Variants in PARP8 observed in about 807,000 individuals in gnomAD.
PARP8 encodes poly(ADP-ribose) polymerase family member 8.
Under a neutral mutation model 124.1 loss-of-function variants are expected in PARP8, and 51 were observed. The observed-to-expected ratio is 0.41, with a 90% CI of 0.33 to 0.52. The LOEUF (loss-of-function observed/expected upper bound fraction) is 0.52, where lower values mean the gene tolerates loss of function less well. Ranked by LOEUF, PARP8 falls within the 20% of genes least tolerant of loss-of-function variation. The pLI is 0.21. For missense variants in PARP8, 860 were observed against 1,018.9 expected (o/e 0.84, Z 2.12); for synonymous variants, 391 against 361.5 (o/e 1.08, Z -0.93).
intron 7 of PARP8, among the ~76,000 whole-genome samples, chr5:50,776,761 G>A (rs961328591): frequency 6.6e-6 from 1 of 152,034 alleles, no homozygotes; most frequent in Non-Finnish European, 1.5e-5. Flanking sequence ...ATCATTAAAA[G>A]TTTCTTCTCT....
Position 50,829,927 on chromosome 5 carries a change from T to C in PARP8, c.2199T>C (p.Leu733=), listed in dbSNP as rs1710255931. 2 of 1,609,928 alleles carry C rather than the reference T, an allele frequency of 1.2e-6. No individual in the cohort carries two copies. The highest frequency in any genetic ancestry group is 2.7e-5 in the African/African-American group (2 of 74,860). ...CAATGTATGGAAGTGGAATCTATCT[T>C]AGTCCAATGTCAAGCATATCATTTG... ...HGAMYGSGIY[L]SPMSSISFGY... The change falls in exon 22 of 26, where the codon CTT becomes CTC. Residue 733 remains leucine, a synonymous_variant. Coordinates refer to ENST00000281631, the MANE Select transcript of PARP8 (RefSeq NM_024615.4).
At chr5:50,825,948 T>A (rs569303834) in intron 18 of PARP8, among the ~76,000 whole-genome samples, 6 of 152,182 alleles carry the variant, frequency 3.9e-5, no homozygotes, top group Admixed American at 3.9e-4. Context: ...ATAGAAGCCT[T>A]CCTTCTTTGT....
At chr5:50,706,836 G>C (rs1385130899) in intron 2 of PARP8, among the ~76,000 whole-genome samples, 1 of 152,034 alleles carries the variant, frequency 6.6e-6, no homozygotes, top group Non-Finnish European at 1.5e-5. Flanking sequence ...CCTTTTACCA[G>C]AGTGCTTTTA....
chr5:50,706,689 A>G (rs1754186078), intron 2 of PARP8, among the ~76,000 whole-genome samples: 1 of 152,142 alleles, frequency 6.6e-6, no homozygotes, highest in Admixed American at 6.6e-5. Context: ...TAGGAATAAC[A>G]ATATGTTATA....
chr5:50,807,290 G>A (rs749269995), intron 14 of PARP8, among the ~76,000 whole-genome samples: 2 of 151,960 alleles, frequency 1.3e-5, no homozygotes, highest in Non-Finnish European at 2.9e-5. Context: ...CTTCGCTTTT[G>A]TTTACAAAAA....
At chr5:50,753,796 AG>A in intron 3 of PARP8, among the ~76,000 whole-genome samples, 1 of 152,064 alleles carries the variant, frequency 6.6e-6, no homozygotes, top group South Asian at 2.1e-4. Flanking sequence ...TACATCAGTG[AG>A]GGATGGAATG....
At chr5:50,686,362 G>A (rs550703462) in intron 2 of PARP8, among the ~76,000 whole-genome samples, 44 of 152,342 alleles carry the variant, frequency 2.9e-4, no homozygotes, top group Admixed American at 1.2e-3. Flanking sequence ...GGTTCCCATG[G>A]TCTTGGGCAG....
intron 2 of PARP8, chr5:50,668,330 C>G: frequency 1.7e-6 from 1 of 592,848 alleles, no homozygotes; most frequent in Non-Finnish European, 3.0e-6. Context: ...TTTCGAGGAC[C>G]ACGCCACAGG....
chr5:50,750,271 T>A, intron 3 of PARP8, 83 bp downstream of exon 3: 1 of 1,160,982 alleles, frequency 8.6e-7, no homozygotes, highest in Non-Finnish European at 1.3e-6. Context: ...AAAACGCATA[T>A]AAATATATTG....
chr5:50,695,289 T>C (rs1473753767), intron 2 of PARP8, among the ~76,000 whole-genome samples: 1 of 152,210 alleles, frequency 6.6e-6, no homozygotes, highest in Admixed American at 6.5e-5. Flanking sequence ...TCAGTCATCA[T>C]GTAGATCTGA....
At chr5:50,780,379 G>A (rs1168292906) in intron 9 of PARP8, among the ~76,000 whole-genome samples, 1 of 152,092 alleles carries the variant, frequency 6.6e-6, no homozygotes, top group East Asian at 1.9e-4. Context: ...ACTTTGTTTA[G>A]GGTTAGGAAT....
chr5:50,779,216 C>T (rs1314298292), intron 9 of PARP8, among the ~76,000 whole-genome samples: 3 of 151,932 alleles, frequency 2.0e-5, no homozygotes, highest in African/African-American at 7.3e-5. Flanking sequence ...CATGCATGCA[C>T]ACACACGCAT....
intron 3 of PARP8, among the ~76,000 whole-genome samples, chr5:50,751,623 T>C (rs1050876344): frequency 6.6e-6 from 1 of 152,092 alleles, no homozygotes; most frequent in Non-Finnish European, 1.5e-5. Flanking sequence ...TAATTTCATT[T>C]GATTCTCAAT....
In PARP8 at chr5:50,705,438, G is replaced by A. The variant is rs570059495; in HGVS notation, c.146+37313G>A. ...AAACAATGTGAAGGTGGTAAAATAA[G>A]AAGATATAAATGATATGGAGAAAAC... On this transcript the variant is annotated intron_variant, in intron 2 of 25. Transcript: ENST00000281631. Among the ~76,000 whole-genome samples, 10 of 152,212 alleles carry A rather than the reference G, an allele frequency of 6.6e-5. 1 individual carries two copies. The South Asian group carries it at 2.1e-3, about 32-fold the overall frequency.
intron 25 of PARP8, among the ~76,000 whole-genome samples, chr5:50,835,444 G>A (rs1042663246): frequency 3.9e-5 from 6 of 152,170 alleles, no homozygotes; most frequent in Non-Finnish European, 8.8e-5. Context: ...TGGGGCTGAG[G>A]CAGGAGAATC....
chr5:50,840,034 A>G (rs1403608854), intron 25 of PARP8, among the ~76,000 whole-genome samples: 1 of 151,898 alleles, frequency 6.6e-6, no homozygotes, highest in Non-Finnish European at 1.5e-5. Flanking sequence ...TAGATCTTGT[A>G]GGACAGATGA....
Position 50,666,802 on chromosome 5 carries a change from T to C in PARP8, c.-294T>C, listed in dbSNP as rs548141298. The C allele has an allele frequency of 5.8e-5, 66 of 1,134,682 alleles. 1 individual carries two copies. The South Asian group carries it at 1.1e-3, about 18-fold the overall frequency. The allele number at this position is 1,134,682 out of a possible 1,614,324, so 70.3% of individuals were successfully genotyped here. On this transcript the variant is annotated 5_prime_UTR_variant, in exon 1 of 26. Transcript: ENST00000281631. ...GGCGGGTGAGGGAGAAAGTGAGACT[T>C]GGTGTCATCACCATCCATTGTCAGA... is the stretch of plus-strand genomic sequence containing the variant.
Position 50,813,725 on chromosome 5 carries a change from G to A in PARP8, c.1576-1707G>A, listed in dbSNP as rs562472563. On this transcript the variant is annotated intron_variant, in intron 14 of 25. Coordinates refer to ENST00000281631, the MANE Select transcript of PARP8 (RefSeq NM_024615.4). ...GCCCTTCAGTATGATACTTGCTGTG[G>A]GTTTGTCATAAATAGCTCTTATTAT... Among the ~76,000 whole-genome samples, 159 of 152,128 alleles carry A rather than the reference G, an allele frequency of 1.0e-3. 1 individual carries two copies. Among genetic ancestry groups the A allele is most frequent in the African/African-American group, 3.7e-3 (155 of 41,510 alleles).
chr5:50,817,912 G>A (rs1745282487), intron 15 of PARP8, among the ~76,000 whole-genome samples: 1 of 152,082 alleles, frequency 6.6e-6, no homozygotes, highest in Non-Finnish European at 1.5e-5. Flanking sequence ...GTCCTTTGGA[G>A]GCACCTGATT....
Sources: allele counts gnomAD v4.1 joint callset (sites outside exome capture counted in the v4.1 genomes callset), GRCh38; gene constraint gnomAD v4.1.1; transcripts MANE v1.5; gene names NCBI Gene and HGNC (gene_info 2026-07-23, HGNC 2026-07-21).